Variants in LRRC4C observed in about 807,000 individuals in gnomAD.
LRRC4C encodes leucine rich repeat containing 4C.
A neutral mutation model predicts 33.6 loss-of-function variants in LRRC4C; 5 were observed. The observed-to-expected ratio is 0.15, with a 90% confidence interval of 0.08 to 0.31. The LOEUF (loss-of-function observed/expected upper bound fraction) is 0.31, where lower values mean the gene tolerates loss of function less well. Ranked by LOEUF, LRRC4C falls within the 10% of genes least tolerant of loss-of-function variation. The probability of loss-of-function intolerance (pLI) is 1.00; values close to 1 mark genes in which losing one functional copy is unlikely to be tolerated. For missense variants in LRRC4C, 560 were observed against 796.7 expected, an observed-to-expected ratio of 0.70 and a Z score of 3.58; for synonymous variants, 329 against 302.0, an observed-to-expected ratio of 1.09 and a Z score of -0.93.
At chr11:40,573,057 T>A (rs76870631) in intron 3 of LRRC4C, among the ~76,000 whole-genome samples, 2,340 of 152,288 alleles carry the variant, frequency 0.015, 70 homozygotes, top group African/African-American at 0.054. Flanking sequence ...TTACTCAAGA[T>A]AAAATAAATT....
intron 4 of LRRC4C, among the ~76,000 whole-genome samples, chr11:40,294,541 T>C (rs941856850): frequency 1.3e-5 from 2 of 152,062 alleles, no homozygotes; most frequent in African/African-American, 4.8e-5. Context: ...CACAGTACTA[T>C]TGCTTAGCCG....
At chr11:41,441,093 T>A (rs868712245) in intron 1 of LRRC4C, among the ~76,000 whole-genome samples, 1 of 152,212 alleles carries the variant, frequency 6.6e-6, no homozygotes. Context: ...CTATTTAATA[T>A]GCATGACTAA....
At chr11:40,746,142 G>T (rs560344215) in intron 2 of LRRC4C, among the ~76,000 whole-genome samples, 4 of 152,116 alleles carry the variant, frequency 2.6e-5, no homozygotes, top group African/African-American at 9.7e-5. Context: ...ACAGGGAAAG[G>T]CTAAGCGAGA....
chr11:40,837,591 G>A (rs1952727417), intron 2 of LRRC4C, among the ~76,000 whole-genome samples: 1 of 150,062 alleles, frequency 6.7e-6, no homozygotes, highest in East Asian at 2.0e-4. Flanking sequence ...TGTAATCCTA[G>A]CACTTTGAGA....
At chr11:40,647,895 AG>A (rs1942562653) in intron 3 of LRRC4C, among the ~76,000 whole-genome samples, 1 of 152,164 alleles carries the variant, frequency 6.6e-6, no homozygotes, top group Admixed American at 6.5e-5. Flanking sequence ...TACTGGTAAA[AG>A]TTTTATGAGG....
chr11:40,603,885 CA>C (rs1335546890), intron 3 of LRRC4C, among the ~76,000 whole-genome samples: 3 of 152,002 alleles, frequency 2.0e-5, no homozygotes, highest in Non-Finnish European at 4.4e-5. Flanking sequence ...GTAAGTATTC[CA>C]AAAATCTGGT....
At chr11:40,349,339 C>T (rs1417597214) in intron 3 of LRRC4C, among the ~76,000 whole-genome samples, 1 of 151,978 alleles carries the variant, frequency 6.6e-6, no homozygotes, top group Non-Finnish European at 1.5e-5. Flanking sequence ...CCGTGTCAGG[C>T]TTACTTCACA....
At chr11:41,399,965 A>G (rs374920801) in intron 1 of LRRC4C, among the ~76,000 whole-genome samples, 1 of 151,984 alleles carries the variant, frequency 6.6e-6, no homozygotes, top group East Asian at 1.9e-4. Flanking sequence ...AGGACATGTA[A>G]GCTAACCCAA....
chr11:40,395,266 C>T (rs1378673619), intron 3 of LRRC4C, among the ~76,000 whole-genome samples: 1 of 152,078 alleles, frequency 6.6e-6, no homozygotes, highest in East Asian at 1.9e-4. Flanking sequence ...TTGGCATTGC[C>T]TGTTTGAAAT....
chr11:40,557,875 TTTTA>T (rs1446491931), intron 3 of LRRC4C, among the ~76,000 whole-genome samples: 2 of 152,156 alleles, frequency 1.3e-5, no homozygotes, highest in Non-Finnish European at 2.9e-5. Context: ...TGATGAGCCA[TTTTA>T]TCCTAAGTGG....
intron 2 of LRRC4C, among the ~76,000 whole-genome samples, chr11:40,711,654 A>G (rs540929983): frequency 1.3e-5 from 2 of 151,882 alleles, no homozygotes; most frequent in Non-Finnish European, 2.9e-5. Flanking sequence ...GTAGATAGAC[A>G]TGACCTGAAT....
intron 1 of LRRC4C, among the ~76,000 whole-genome samples, chr11:40,934,194 C>A (rs1298772446): frequency 6.6e-6 from 1 of 152,130 alleles, no homozygotes; most frequent in Non-Finnish European, 1.5e-5. Flanking sequence ...ATTCCTATTT[C>A]TCATCCACAA....
At chr11:41,011,008 T>C (rs1266501840) in intron 1 of LRRC4C, among the ~76,000 whole-genome samples, 6 of 152,184 alleles carry the variant, frequency 3.9e-5, no homozygotes, top group Non-Finnish European at 4.4e-5. Flanking sequence ...TGTCTGGCTG[T>C]TACTGGCTTG....
At chr11:41,306,209 G>A (rs1288971907) in intron 1 of LRRC4C, among the ~76,000 whole-genome samples, 1 of 152,102 alleles carries the variant, frequency 6.6e-6, no homozygotes, top group Non-Finnish European at 1.5e-5. Context: ...GATTTCCAGA[G>A]CACTTTGTTT....
chr11:41,360,130 C>T (rs1952300719), intron 1 of LRRC4C, among the ~76,000 whole-genome samples: 1 of 152,134 alleles, frequency 6.6e-6, no homozygotes, highest in Admixed American at 6.6e-5. Flanking sequence ...TGGCAGTGAG[C>T]GGAGATCGCG....
chr11:41,181,969 A>G (rs1466099936), intron 1 of LRRC4C, among the ~76,000 whole-genome samples: 2 of 152,202 alleles, frequency 1.3e-5, no homozygotes, highest in African/African-American at 4.8e-5. Flanking sequence ...TCCAGCAGCC[A>G]TTAAAACTTG....
intron 1 of LRRC4C, among the ~76,000 whole-genome samples, chr11:41,125,011 A>G (rs1214199499): frequency 1.3e-5 from 2 of 152,196 alleles, no homozygotes; most frequent in African/African-American, 4.8e-5. Context: ...AGGCTACTGT[A>G]TATATGTTTT....
chr11:40,808,631 G>T (rs1951351528), intron 2 of LRRC4C, among the ~76,000 whole-genome samples: 1 of 152,012 alleles, frequency 6.6e-6, no homozygotes, highest in Non-Finnish European at 1.5e-5. Context: ...GCCCTGACTT[G>T]CCTCACTTAA....
chr11:40,205,030 G>A (rs1219313799), intron 5 of LRRC4C, among the ~76,000 whole-genome samples: 1 of 152,164 alleles, frequency 6.6e-6, no homozygotes, highest in African/African-American at 2.4e-5. Context: ...CTTGGGGTCT[G>A]TATAGAATAT....
Sources: gnomAD v4.1 joint callset for allele counts (sites outside exome capture counted in the v4.1 genomes callset) on GRCh38, gnomAD v4.1.1 for gene constraint, MANE v1.5 for transcripts, NCBI Gene and HGNC (gene_info 2026-07-23, HGNC 2026-07-21) for gene names.